FAF1: variants seen among roughly 807,000 people sequenced by gnomAD.
FAF1 encodes the protein Fas associated factor 1, also known as FAS-associated factor 1.
Under a neutral mutation model 92.5 loss-of-function variants are expected in FAF1, and 25 were observed. The ratio of observed to expected loss-of-function variants is 0.27; its 90% confidence interval spans 0.20 to 0.38. FAF1 has a LOEUF of 0.38. FAF1 is among the 10% of genes least tolerant of loss of function. The probability of loss-of-function intolerance (pLI) is 1.00; values close to 1 mark genes in which losing one functional copy is unlikely to be tolerated. For missense variants in FAF1, 636 were observed against 793.3 expected, an observed-to-expected ratio of 0.80 and a Z score of 2.38; for synonymous variants, 234 against 273.2, an observed-to-expected ratio of 0.86 and a Z score of 1.42.
chr1:50,745,275 T>C (rs1659542406), intron 4 of FAF1, among the ~76,000 whole-genome samples: 1 of 152,118 alleles, frequency 6.6e-6, no homozygotes, highest in East Asian at 1.9e-4. Context: ...CACTCCAGCC[T>C]GGGTGACAAG....
intron 7 of FAF1, among the ~76,000 whole-genome samples, chr1:50,687,862 G>A (rs1656739555): frequency 1.3e-5 from 2 of 151,768 alleles, no homozygotes; most frequent in East Asian, 1.9e-4. Context: ...AATGAAACAC[G>A]CGGTGGCTCA....
chr1:50,753,187 C>T (rs1405016772), intron 4 of FAF1, among the ~76,000 whole-genome samples: 2 of 152,208 alleles, frequency 1.3e-5, no homozygotes, highest in African/African-American at 2.4e-5. Context: ...CCATCCCCAA[C>T]CTCTTCCCTA....
chr1:50,565,540 G>A (rs1252420680), intron 13 of FAF1, among the ~76,000 whole-genome samples: 1 of 152,008 alleles, frequency 6.6e-6, no homozygotes, highest in East Asian at 1.9e-4. Context: ...CACCACAGGT[G>A]TCTCTGTAAC....
Position 50,440,760 on chromosome 1 carries a change from C to G in FAF1, c.*680G>C, listed in dbSNP as rs1452520448. 1 of 152,226 alleles carries G rather than the reference C, an allele frequency of 6.6e-6. No individual in the cohort carries two copies. Among genetic ancestry groups the G allele is most frequent in the African/African-American group, 2.4e-5 (1 of 41,460 alleles). 9.4% of individuals were successfully genotyped at this position (152,226 alleles called of 1,614,324 possible). A position where few individuals can be genotyped will look rare whatever the true frequency, so the allele number is the denominator to read the frequency against. On this transcript the variant is annotated 3_prime_UTR_variant, in exon 19 of 19. Transcript: ENST00000396153. ...ATGATCTCAACATTCACATTGTGTG[C>G]TTGAACAGTTTCCCTATGCTGCAAT... is the stretch of plus-strand genomic sequence containing the variant.
At chr1:50,499,363 GTTTTTT>G (rs199637214) in intron 15 of FAF1, among the ~76,000 whole-genome samples, 2 of 110,096 alleles carry the variant, frequency 1.8e-5, no homozygotes, top group South Asian at 5.4e-4. Flanking sequence ...TAGCTGTAGG[GTTTTTT>G]TTTTTTTTTT....
At chr1:50,660,156 A>G (rs1463935724) in intron 7 of FAF1, among the ~76,000 whole-genome samples, 1 of 152,132 alleles carries the variant, frequency 6.6e-6, no homozygotes, top group African/African-American at 2.4e-5. Context: ...ATTCATTTAA[A>G]TTTTCAAACA....
intron 2 of FAF1, among the ~76,000 whole-genome samples, chr1:50,812,049 A>G (rs1185357069): frequency 6.6e-6 from 1 of 152,204 alleles, no homozygotes; most frequent in Non-Finnish European, 1.5e-5. Flanking sequence ...CATACAGCAT[A>G]TACAAAAATC....
At chr1:50,826,980 G>A (rs1436006227) in intron 2 of FAF1, among the ~76,000 whole-genome samples, 15 of 140,050 alleles carry the variant, frequency 1.1e-4, no homozygotes, top group Non-Finnish European at 1.8e-4. Flanking sequence ...GCCTCTGCCC[G>A]GCCGCCCATC....
intron 2 of FAF1, among the ~76,000 whole-genome samples, chr1:50,818,731 A>T (rs1644001778): frequency 1.3e-5 from 2 of 152,026 alleles, no homozygotes; most frequent in African/African-American, 2.4e-5. Flanking sequence ...GCAGACCCAC[A>T]ATAAGAAATC....
At chr1:50,769,571 C>T (rs1490762907) in intron 4 of FAF1, among the ~76,000 whole-genome samples, 2 of 152,200 alleles carry the variant, frequency 1.3e-5, no homozygotes, top group African/African-American at 2.4e-5. Context: ...CCAAATCCGG[C>T]TGCACATCCA....
At chr1:50,690,862 C>T (rs1418494072) in intron 7 of FAF1, among the ~76,000 whole-genome samples, 1 of 152,066 alleles carries the variant, frequency 6.6e-6, no homozygotes, top group East Asian at 1.9e-4. Context: ...TAGTTTCTTT[C>T]ATTTAGCATG....
At chr1:50,567,010 G>A (rs1459851225) in intron 13 of FAF1, 67 bp downstream of exon 13, 2 of 1,205,214 alleles carry the variant, frequency 1.7e-6, no homozygotes. Context: ...TGTTTATGAT[G>A]ATGATAAACA....
intron 13 of FAF1, among the ~76,000 whole-genome samples, chr1:50,561,907 C>T (rs1438726475): frequency 1.5e-5 from 2 of 137,274 alleles, no homozygotes; most frequent in Non-Finnish European, 3.3e-5. Context: ...GTTGTGTAAA[C>T]CAATGGGATT....
chr1:50,957,347 CTTTTT>C (rs1188286312), intron 1 of FAF1, among the ~76,000 whole-genome samples: 4 of 104,232 alleles, frequency 3.8e-5, no homozygotes, highest in Non-Finnish European at 5.6e-5. Flanking sequence ...TTTTCATTTT[CTTTTT>C]TTTTTTTTTT....
intron 8 of FAF1, among the ~76,000 whole-genome samples, chr1:50,646,674 T>C (rs1197324798): frequency 1.3e-5 from 2 of 152,222 alleles, no homozygotes; most frequent in African/African-American, 4.8e-5. Context: ...TTCCCTCTTC[T>C]ATGATCCCAT....
chr1:50,527,460 G>A (rs1437624297), intron 15 of FAF1, among the ~76,000 whole-genome samples: 2 of 151,964 alleles, frequency 1.3e-5, no homozygotes, highest in Non-Finnish European at 1.5e-5. Flanking sequence ...CACTTTCTTC[G>A]TGGTGTCCTT....
intron 1 of FAF1, among the ~76,000 whole-genome samples, chr1:50,859,705 T>C (rs1644417592): frequency 6.6e-6 from 1 of 152,000 alleles, no homozygotes; most frequent in African/African-American, 2.4e-5. Flanking sequence ...TTCAATGCTA[T>C]TCCTATCAAA....
intron 15 of FAF1, among the ~76,000 whole-genome samples, chr1:50,534,023 G>A (rs56985406): frequency 0.065 from 9,944 of 152,108 alleles, 405 homozygotes; most frequent in East Asian, 0.092. Context: ...ACCCCCTCAG[G>A]ATCCATGTTC....
chr1:50,761,471 A>T (rs1660324257), intron 4 of FAF1, among the ~76,000 whole-genome samples: 1 of 152,190 alleles, frequency 6.6e-6, no homozygotes, highest in Non-Finnish European at 1.5e-5. Context: ...CCAGCAGCAC[A>T]TCAAAAAGCT....
Sources: allele counts gnomAD v4.1 joint callset (sites outside exome capture counted in the v4.1 genomes callset), GRCh38; gene constraint gnomAD v4.1.1; transcripts MANE v1.5; gene names NCBI Gene and HGNC (gene_info 2026-07-23, HGNC 2026-07-21).